The following TXNRD1 variants were observed in gnomAD, a reference collection of about 807,000 sequenced individuals.
The protein encoded by TXNRD1 is thioredoxin reductase 1, cytoplasmic.
A neutral mutation model predicts 80.3 loss-of-function variants in TXNRD1; 57 were observed. The observed-to-expected ratio is 0.71, with a 90% confidence interval of 0.57 to 0.89. The LOEUF (loss-of-function observed/expected upper bound fraction) is 0.89, where lower values mean the gene tolerates loss of function less well. TXNRD1 is among the 40% of genes least tolerant of loss of function. The pLI is 0.00. For synonymous variants in TXNRD1, 291 were observed against 285.2 expected (o/e 1.02, Z -0.20); for missense variants, 730 against 803.0 (o/e 0.91, Z 1.10).
chr12:104,280,318 G>A (rs1391198223), intron 3 of TXNRD1: 1 of 152,160 alleles, frequency 6.6e-6, no homozygotes, highest in South Asian at 2.1e-4. Context: ...TGAAATAGTT[G>A]ATCTTCCTTT....
chr12:104,287,284 C>A (rs1415093778), intron 3 of TXNRD1: 22 of 1,613,954 alleles, frequency 1.4e-5, no homozygotes, highest in Non-Finnish European at 1.9e-5. Context: ...TTTTCCAAAC[C>A]CAGGCAGCTT....
rs2034703157 is a variant in TXNRD1, at chr12:104,303,016, T to C, written c.415-8274T>C. On this transcript the variant is annotated intron_variant, in intron 4 of 16. Coordinates refer to ENST00000525566, the MANE Select transcript of TXNRD1 (RefSeq NM_001093771.3). ...GGGTTCAGAGTTACTACCCATTCAG[T>C]GTCGGTGGCCTTTAGCTGTTGGCAA... is the stretch of plus-strand genomic sequence containing the variant. Among the ~76,000 whole-genome samples, 3 of 152,186 alleles carry C rather than the reference T, an allele frequency of 2.0e-5. No individual in the cohort carries two copies. The South Asian group carries it at 6.2e-4, about 32-fold the overall frequency.
At chr12:104,310,005 C>T in intron 4 of TXNRD1, 1 of 1,536,294 alleles carries the variant, frequency 6.5e-7, no homozygotes, top group Non-Finnish European at 8.7e-7. Context: ...CCCCCTTCCA[C>T]ATCCCAAGAA....
intron 2 of TXNRD1, among the ~76,000 whole-genome samples, chr12:104,253,326 A>G (rs2033171480): frequency 2.0e-5 from 3 of 152,108 alleles, no homozygotes; most frequent in Admixed American, 2.0e-4. Context: ...ATCCCTATCA[A>G]TATGATAGTG....
intron 15 of TXNRD1, among the ~76,000 whole-genome samples, chr12:104,337,580 G>C (rs938932416): frequency 6.6e-6 from 1 of 151,782 alleles, no homozygotes; most frequent in Non-Finnish European, 1.5e-5. Flanking sequence ...GACTTTGCTG[G>C]GCACAGTGGC....
chr12:104,339,092 G>GGA, intron 15 of TXNRD1, 47 bp from the exon 16 acceptor site: 3 of 1,608,342 alleles, frequency 1.9e-6, no homozygotes, highest in Non-Finnish European at 2.5e-6. Context: ...GAAGAGGAGG[G>GGA]GAGAAAAATC....
At chr12:104,292,565 G>T (rs2034262787) in intron 4 of TXNRD1, among the ~76,000 whole-genome samples, 1 of 151,930 alleles carries the variant, frequency 6.6e-6, no homozygotes, top group Admixed American at 6.6e-5. Context: ...GGCTAATTTT[G>T]TATTTTTTTA....
intron 9 of TXNRD1, among the ~76,000 whole-genome samples, chr12:104,320,586 A>G (rs749323328): frequency 6.6e-6 from 1 of 152,034 alleles, no homozygotes; most frequent in Non-Finnish European, 1.5e-5. Flanking sequence ...TAGCTCAACT[A>G]GAAGACTTTT....
intron 2 of TXNRD1, among the ~76,000 whole-genome samples, chr12:104,254,644 A>AAAAAAAAAAAAAAAAAAAAAAAAT: frequency 1.1e-5 from 1 of 93,650 alleles, no homozygotes; most frequent in Non-Finnish European, 1.9e-5. Context: ...AAAAAAAAAA[A>AAAAAAAAAAAAAAAAAAAAAAAAT]ATATATATAT....
chr12:104,332,908 G>A (rs1173357364), intron 14 of TXNRD1, among the ~76,000 whole-genome samples: 1 of 150,870 alleles, frequency 6.6e-6, no homozygotes, highest in African/African-American at 2.4e-5. Context: ...ATATTTTGAT[G>A]CGTTTTTATA....
intron 1 of TXNRD1, among the ~76,000 whole-genome samples, chr12:104,239,376 G>C (rs1014842128): frequency 9.2e-5 from 14 of 151,850 alleles, no homozygotes; most frequent in Admixed American, 7.9e-4. Context: ...TGTCTTTTTA[G>C]TAGAGACAGG....
chr12:104,320,178 A>G (rs1339347232), intron 9 of TXNRD1, among the ~76,000 whole-genome samples: 2 of 152,252 alleles, frequency 1.3e-5, no homozygotes, highest in African/African-American at 2.4e-5. Flanking sequence ...CACTGCTGAC[A>G]TTGTTCAGGA....
At chr12:104,345,901 G>T (rs2036473660) in intron 16 of TXNRD1, 9 of 1,192,298 alleles carry the variant, frequency 7.5e-6, no homozygotes, top group African/African-American at 1.6e-5. Flanking sequence ...CGAGTCCTGT[G>T]TGTTGGGATG....
intron 7 of TXNRD1, among the ~76,000 whole-genome samples, chr12:104,317,384 T>TC (rs1162763270): frequency 6.6e-6 from 1 of 151,286 alleles, no homozygotes; most frequent in Non-Finnish European, 1.5e-5. Flanking sequence ...TTTTTTTTTT[T>TC]TTCAGTTGAA....
At chr12:104,249,625 G>A (rs531811146) in intron 1 of TXNRD1, among the ~76,000 whole-genome samples, 12 of 152,096 alleles carry the variant, frequency 7.9e-5, no homozygotes, top group African/African-American at 2.9e-4. Flanking sequence ...AAAACACATA[G>A]TACCAAAAGT....
intron 16 of TXNRD1, 30 bp downstream of exon 16, chr12:104,339,303 A>G (rs2036245853): frequency 6.2e-7 from 1 of 1,612,520 alleles, no homozygotes; most frequent in Non-Finnish European, 8.5e-7. Context: ...ACAGTTTAAA[A>G]TGTTTAAAAT....
chr12:104,254,644 A>AAAAAAAAAAAATAT, intron 2 of TXNRD1, among the ~76,000 whole-genome samples: 16 of 93,608 alleles, frequency 1.7e-4, no homozygotes, highest in Non-Finnish European at 2.7e-4. Flanking sequence ...AAAAAAAAAA[A>AAAAAAAAAAAATAT]ATATATATAT....
chr12:104,259,906 T>G (rs1193879975), intron 3 of TXNRD1, among the ~76,000 whole-genome samples: 1 of 152,316 alleles, frequency 6.6e-6, no homozygotes, highest in East Asian at 1.9e-4. Context: ...CTACCATATA[T>G]AGAGTGTTAG....
chr12:104,226,874 C>T (rs1297958650), intron 1 of TXNRD1, among the ~76,000 whole-genome samples: 5 of 152,090 alleles, frequency 3.3e-5, no homozygotes, highest in South Asian at 2.1e-4. Flanking sequence ...TCTTTTTTTC[C>T]GGTCTTGGCT....
Sources: gnomAD v4.1 joint callset for allele counts (sites outside exome capture counted in the v4.1 genomes callset) on GRCh38, gnomAD v4.1.1 for gene constraint, MANE v1.5 for transcripts, NCBI Gene and HGNC (gene_info 2026-07-23, HGNC 2026-07-21) for gene names.